The following STK31 variants were observed in gnomAD, a reference collection of about 807,000 sequenced individuals.
STK31 encodes the protein serine/threonine-protein kinase 31.
A neutral mutation model predicts 129.7 loss-of-function variants in STK31; 89 were observed. The observed-to-expected ratio is 0.69, with a 90% confidence interval of 0.58 to 0.82. The LOEUF (loss-of-function observed/expected upper bound fraction) is 0.82, where lower values mean the gene tolerates loss of function less well. Ranked by LOEUF, STK31 falls within the 40% of genes least tolerant of loss-of-function variation. The pLI, the probability that STK31 is intolerant of heterozygous loss-of-function variation, is 0.00. For missense variants in STK31, 1,187 were observed against 1,176.4 expected (o/e 1.01, Z -0.13); for synonymous variants, 448 against 395.3 (o/e 1.13, Z -1.58).
intron 23 of STK31, among the ~76,000 whole-genome samples, chr7:23,822,388 T>A (rs924771007): frequency 6.6e-6 from 1 of 152,160 alleles, no homozygotes; most frequent in Non-Finnish European, 1.5e-5. Flanking sequence ...TATATTTATT[T>A]TGTAGCTGTT....
intron 23 of STK31, among the ~76,000 whole-genome samples, chr7:23,829,083 T>G (rs1157160223): frequency 6.6e-6 from 1 of 151,296 alleles, no homozygotes; most frequent in African/African-American, 2.4e-5. Context: ...TTTTTTTTTG[T>G]ATTTTTTAGT....
At chr7:23,788,932 A>G (rs965822534) in intron 21 of STK31, among the ~76,000 whole-genome samples, 3 of 152,140 alleles carry the variant, frequency 2.0e-5, no homozygotes, top group African/African-American at 7.2e-5. Flanking sequence ...TCCCAAAAAG[A>G]AAATCCATAC....
chr7:23,802,622 T>C (rs918308868), intron 22 of STK31, among the ~76,000 whole-genome samples: 11 of 152,220 alleles, frequency 7.2e-5, no homozygotes, highest in Non-Finnish European at 1.3e-4. Context: ...CAAATGATTC[T>C]TGTGCCTCAG....
At chr7:23,794,882 T>G (rs1252806148) in intron 22 of STK31, among the ~76,000 whole-genome samples, 1 of 152,184 alleles carries the variant, frequency 6.6e-6, no homozygotes, top group African/African-American at 2.4e-5. Flanking sequence ...CTTGGGTGCT[T>G]TTAAAAGCAT....
intron 22 of STK31, among the ~76,000 whole-genome samples, chr7:23,793,595 A>G (rs1267806299): frequency 6.6e-6 from 1 of 152,246 alleles, no homozygotes; most frequent in Non-Finnish European, 1.5e-5. Flanking sequence ...GTACTTTACC[A>G]AAGAAGGTGT....
intron 23 of STK31, among the ~76,000 whole-genome samples, chr7:23,825,054 A>T (rs972686878): frequency 8.6e-5 from 13 of 152,014 alleles, no homozygotes; most frequent in Non-Finnish European, 1.3e-4. Flanking sequence ...TTGGTCTAAA[A>T]TTGTCTTTTT....
intron 11 of STK31, among the ~76,000 whole-genome samples, chr7:23,763,588 G>T (rs1789613860): frequency 6.6e-6 from 1 of 151,496 alleles, no homozygotes; most frequent in South Asian, 2.1e-4. Context: ...TTATGCTTTT[G>T]ATTGCTTTTA....
chr7:23,772,092 GTTC>G, intron 14 of STK31, 52 bp from the exon 15 acceptor site: 1 of 1,314,792 alleles, frequency 7.6e-7, no homozygotes, highest in Non-Finnish European at 1.0e-6. Context: ...AATGATCACT[GTTC>G]AATAAATACT....
At chr7:23,769,515 TCCTGCA>T in intron 12 of STK31, 119 bp from the exon 13 acceptor site, 2 of 645,456 alleles carry the variant, frequency 3.1e-6, no homozygotes, top group Admixed American at 2.9e-5. Context: ...CACTTTTTTT[TCCTGCA>T]TTCCTAGTTC....
chr7:23,723,918 GCGGCCAAAGAGA>G (rs774001531), intron 4 of STK31, among the ~76,000 whole-genome samples: 2 of 152,146 alleles, frequency 1.3e-5, no homozygotes, highest in Non-Finnish European at 2.9e-5. Context: ...ATTTAAGCTG[GCGGCCAAAGAGA>G]CGGCTAATGC....
chr7:23,758,343 A>G (rs1202549199), intron 10 of STK31, among the ~76,000 whole-genome samples: 2 of 151,788 alleles, frequency 1.3e-5, no homozygotes, highest in African/African-American at 2.4e-5. Context: ...TGTTGAGTCT[A>G]TTTGATTCTT....
At chr7:23,825,736 A>G (rs1794105587) in intron 23 of STK31, among the ~76,000 whole-genome samples, 1 of 152,022 alleles carries the variant, frequency 6.6e-6, no homozygotes, top group African/African-American at 2.4e-5. Flanking sequence ...ATGGGCATTT[A>G]GTGCTATACA....
intron 8 of STK31, among the ~76,000 whole-genome samples, chr7:23,748,940 A>G (rs767430101): frequency 3.9e-5 from 6 of 152,220 alleles, no homozygotes; most frequent in Non-Finnish European, 8.8e-5. Flanking sequence ...TAGTCTGTAG[A>G]TGTTAATTAT....
chr7:23,799,209 C>T (rs886615274), intron 22 of STK31, among the ~76,000 whole-genome samples: 5 of 152,170 alleles, frequency 3.3e-5, no homozygotes, highest in Non-Finnish European at 7.3e-5. Context: ...CATCAAGCCA[C>T]CATTAACTTT....
intron 4 of STK31, among the ~76,000 whole-genome samples, chr7:23,718,164 C>A (rs910967056): frequency 2.0e-5 from 3 of 151,968 alleles, no homozygotes; most frequent in Non-Finnish European, 2.9e-5. Context: ...ACTATTCTAG[C>A]CAAAAAAACA....
chr7:23,745,031 C>CT (rs1362823671), intron 8 of STK31, among the ~76,000 whole-genome samples: 21 of 152,142 alleles, frequency 1.4e-4, no homozygotes, highest in Non-Finnish European at 2.6e-4. Context: ...GTAGCAATGG[C>CT]TTGACAACCC....
chr7:23,788,204 A>G (rs1791415194), intron 21 of STK31, 75 bp downstream of exon 21: 23 of 1,236,542 alleles, frequency 1.9e-5, no homozygotes, highest in Non-Finnish European at 2.1e-5. Flanking sequence ...GCACTTATAT[A>G]TAATATAATA....
chr7:23,790,156 A>G (rs1292449637), intron 21 of STK31, among the ~76,000 whole-genome samples: 3 of 152,190 alleles, frequency 2.0e-5, no homozygotes, highest in Admixed American at 1.3e-4. Flanking sequence ...TAGAAAAAAG[A>G]TAGCACTTAG....
intron 6 of STK31, among the ~76,000 whole-genome samples, chr7:23,735,262 TA>T (rs1562558416): frequency 6.6e-6 from 1 of 152,038 alleles, no homozygotes; most frequent in Non-Finnish European, 1.5e-5. Context: ...TCTGCTGGGT[TA>T]AAAAAAACTA....
Sources: allele counts gnomAD v4.1 joint callset (sites outside exome capture counted in the v4.1 genomes callset), GRCh38; gene constraint gnomAD v4.1.1; transcripts MANE v1.5; gene names NCBI Gene and HGNC (gene_info 2026-07-23, HGNC 2026-07-21).